SUMF1: variants seen among roughly 807,000 people sequenced by gnomAD.
SUMF1 encodes the protein formylglycine-generating enzyme.
A neutral mutation model predicts 47.6 loss-of-function variants in SUMF1; 48 were observed. The observed-to-expected ratio is 1.01, with a 90% CI of 0.80 to 1.28. SUMF1 has a LOEUF of 1.28. SUMF1 is among the 50% of genes most tolerant of loss of function. SUMF1 has a pLI of 0.00. For synonymous variants in SUMF1, 230 were observed against 192.1 expected (o/e 1.20, Z -1.63); for missense variants, 571 against 485.4 (o/e 1.18, Z -1.66).
At chr3:4,430,779 A>G (rs1202833442) in intron 3 of SUMF1, among the ~76,000 whole-genome samples, 2 of 152,070 alleles carry the variant, frequency 1.3e-5, no homozygotes, top group Non-Finnish European at 2.9e-5. Context: ...TGGGGCACCC[A>G]ATCAAAGTCA....
intron 8 of SUMF1, among the ~76,000 whole-genome samples, chr3:4,087,681 C>G (rs930363326): frequency 6.6e-6 from 1 of 151,800 alleles, no homozygotes; most frequent in Non-Finnish European, 1.5e-5. Context: ...CAATAGCAAT[C>G]AAACAAAATA....
chr3:4,046,300 G>A (rs1420107488), intron 9 of SUMF1, among the ~76,000 whole-genome samples: 1 of 152,136 alleles, frequency 6.6e-6, no homozygotes, highest in African/African-American at 2.4e-5. Context: ...CAAGTGGCCA[G>A]TGGTGCACCA....
chr3:4,344,231 T>G (rs1699327950), intron 8 of SUMF1, among the ~76,000 whole-genome samples: 1 of 151,724 alleles, frequency 6.6e-6, no homozygotes. Context: ...AAGAGCAGTG[T>G]GGTGTGGCGG....
intron 8 of SUMF1, among the ~76,000 whole-genome samples, chr3:4,338,068 A>G (rs1329216507): frequency 6.6e-6 from 1 of 152,230 alleles, no homozygotes; most frequent in African/African-American, 2.4e-5. Flanking sequence ...TTCAAAAATT[A>G]ATTTTGACAA....
At chr3:4,185,353 G>A (rs957853289) in intron 8 of SUMF1, among the ~76,000 whole-genome samples, 3 of 152,164 alleles carry the variant, frequency 2.0e-5, no homozygotes, top group African/African-American at 7.2e-5. Flanking sequence ...AGCTCCAGGA[G>A]ATAACAGACT....
At chr3:4,316,362 A>C (rs1339993017) in intron 8 of SUMF1, 1 of 1,539,352 alleles carries the variant, frequency 6.5e-7, no homozygotes, top group African/African-American at 1.4e-5. Context: ...GTGGTGGTTC[A>C]AGAAGTTTTG....
At chr3:4,083,752 A>G (rs1306062683) in intron 8 of SUMF1, among the ~76,000 whole-genome samples, 3 of 151,976 alleles carry the variant, frequency 2.0e-5, no homozygotes, top group South Asian at 2.1e-4. Context: ...CAGAGAATTT[A>G]TATTCTGTGG....
intron 8 of SUMF1, among the ~76,000 whole-genome samples, chr3:4,191,441 C>T (rs1263388483): frequency 3.3e-5 from 5 of 151,944 alleles, no homozygotes; most frequent in East Asian, 1.9e-4. Flanking sequence ...TTGCTGGCCA[C>T]GACAAAAAGT....
intron 8 of SUMF1, among the ~76,000 whole-genome samples, chr3:4,354,501 G>GT (rs1699575685): frequency 6.6e-6 from 1 of 152,214 alleles, no homozygotes; most frequent in Admixed American, 6.5e-5. Context: ...TCACAATATA[G>GT]GTAGCGATAA....
chr3:4,213,726 C>A (rs1227743200), intron 8 of SUMF1, among the ~76,000 whole-genome samples: 1 of 152,038 alleles, frequency 6.6e-6, no homozygotes, highest in East Asian at 1.9e-4. Flanking sequence ...ATTTACCAAG[C>A]AAATGGAAAG....
intron 9 of SUMF1, among the ~76,000 whole-genome samples, chr3:4,050,662 G>C (rs1695091747): frequency 1.3e-5 from 2 of 149,186 alleles, no homozygotes; most frequent in Admixed American, 1.3e-4. Context: ...AGAATCACCT[G>C]AGCCTGGGAG....
At chr3:4,157,971 A>T (rs1019778169) in intron 8 of SUMF1, among the ~76,000 whole-genome samples, 7 of 151,540 alleles carry the variant, frequency 4.6e-5, no homozygotes, top group Non-Finnish European at 1.0e-4. Context: ...ATCTGGTATG[A>T]GGAAGTTTAA....
chr3:4,076,083 T>G (rs2125041117), intron 8 of SUMF1, among the ~76,000 whole-genome samples: 1 of 152,128 alleles, frequency 6.6e-6, no homozygotes. Flanking sequence ...CTACCTGACT[T>G]TAAACTATAC....
intron 8 of SUMF1, among the ~76,000 whole-genome samples, chr3:4,164,370 G>C (rs1350679726): frequency 2.6e-5 from 4 of 152,182 alleles, no homozygotes; most frequent in Admixed American, 2.6e-4. Flanking sequence ...GTGATGACAT[G>C]AGCTGGCGCT....
intron 1 of SUMF1, among the ~76,000 whole-genome samples, chr3:4,455,480 C>G (rs1703127475): frequency 6.6e-6 from 1 of 152,178 alleles, no homozygotes; most frequent in Non-Finnish European, 1.5e-5. Context: ...CTTTGGGAGG[C>G]CGAGGCAGGT....
chr3:4,252,343 C>T (rs1016878034), intron 8 of SUMF1, among the ~76,000 whole-genome samples: 1 of 129,034 alleles, frequency 7.7e-6, no homozygotes, highest in Non-Finnish European at 1.6e-5. Flanking sequence ...GCTCCAAATA[C>T]ACACATGCGC....
chr3:4,351,380 G>A (rs1199557177), intron 8 of SUMF1, among the ~76,000 whole-genome samples: 1 of 152,142 alleles, frequency 6.6e-6, no homozygotes, highest in East Asian at 1.9e-4. Flanking sequence ...CTTTAGCCTC[G>A]TTTTACAAAG....
intron 8 of SUMF1, among the ~76,000 whole-genome samples, chr3:4,110,160 G>T (rs1428817248): frequency 6.6e-6 from 1 of 152,150 alleles, no homozygotes; most frequent in Non-Finnish European, 1.5e-5. Flanking sequence ...ACCCTCAGCT[G>T]CAGGTTGCTG....
intron 8 of SUMF1, among the ~76,000 whole-genome samples, chr3:4,330,409 C>G (rs1699026531): frequency 6.6e-6 from 1 of 152,192 alleles, no homozygotes; most frequent in African/African-American, 2.4e-5. Flanking sequence ...CTGGGGAAGC[C>G]TCACAATCAT....
Sources: allele counts gnomAD v4.1 joint callset (sites outside exome capture counted in the v4.1 genomes callset), GRCh38; gene constraint gnomAD v4.1.1; transcripts MANE v1.5; gene names NCBI Gene and HGNC (gene_info 2026-07-23, HGNC 2026-07-21).